EIF3B: variants seen among roughly 807,000 people sequenced by gnomAD.
The protein encoded by EIF3B is eukaryotic translation initiation factor 3 subunit 9.
A neutral mutation model predicts 104.6 loss-of-function variants in EIF3B; 10 were observed. That is an observed-to-expected ratio of 0.10 (90% CI 0.06 to 0.16). The LOEUF is 0.16. Among genes scored for constraint, EIF3B ranks in the 10% least tolerant of loss-of-function variants. The pLI is 1.00. For missense variants in EIF3B, 1,014 were observed against 1,087.9 expected (o/e 0.93, Z 0.96); for synonymous variants, 542 against 417.2 (o/e 1.30, Z -3.65).
chr7:2,366,125 G>A (rs547787571), intron 6 of EIF3B, among the ~76,000 whole-genome samples, 192 bp from the exon 7 acceptor site: 2 of 152,268 alleles, frequency 1.3e-5, no homozygotes, highest in South Asian at 4.2e-4. Context: ...CGGAGCGCCT[G>A]CAGCGTATTG....
chr7:2,357,803 G>A (rs748517748), intron 1 of EIF3B, among the ~76,000 whole-genome samples: 14 of 152,100 alleles, frequency 9.2e-5, no homozygotes, highest in African/African-American at 3.4e-4. Flanking sequence ...CCTACGTGTG[G>A]GCAGTTTCTC....
chr7:2,374,491 C>T, intron 12 of EIF3B, 37 bp from the exon 13 acceptor site: 1 of 1,607,976 alleles, frequency 6.2e-7, no homozygotes, highest in South Asian at 1.1e-5. Flanking sequence ...CTGTGGAAGC[C>T]CTCGCAGCTC....
chr7:2,355,916 C>T (rs1293326539), intron 1 of EIF3B, among the ~76,000 whole-genome samples: 1 of 152,196 alleles, frequency 6.6e-6, no homozygotes, highest in Non-Finnish European at 1.5e-5. Context: ...CCAGAGACTT[C>T]CTTAGTGGGA....
intron 15 of EIF3B, among the ~76,000 whole-genome samples, chr7:2,377,388 T>C (rs1780692910): frequency 6.6e-6 from 1 of 152,174 alleles, no homozygotes; most frequent in Admixed American, 6.5e-5. Flanking sequence ...ATTATTGTGG[T>C]AAAATAGGCC....
At chr7:2,379,730 G>A (rs1364081047) in intron 18 of EIF3B, 2 of 537,130 alleles carry the variant, frequency 3.7e-6, no homozygotes, top group African/African-American at 3.8e-5. Context: ...CGCCTTTCAG[G>A]CAGTGCTGGG....
At chr7:2,357,175 T>C (rs766788873) in intron 1 of EIF3B, among the ~76,000 whole-genome samples, 8 of 152,270 alleles carry the variant, frequency 5.3e-5, no homozygotes, top group Non-Finnish European at 7.3e-5. Context: ...CACAGATTTC[T>C]AATACGTAGA....
intron 18 of EIF3B, chr7:2,379,809 C>A (rs1386650420): frequency 5.0e-6 from 2 of 400,388 alleles, no homozygotes; most frequent in Non-Finnish European, 9.3e-6. Flanking sequence ...CTGGCCATTT[C>A]CTGATACCTG....
At chr7:2,354,780 G>A, upstream of EIF3B, 1 of 805,110 alleles carries the variant, frequency 1.2e-6, no homozygotes, top group South Asian at 6.1e-5. Flanking sequence ...GGGCGTGGGT[G>A]CGCCCCCCGC....
In EIF3B at chr7:2,366,512, T is replaced by A; in HGVS notation, c.1290-13T>A. The A allele has an allele frequency of 6.2e-7, 1 of 1,614,178 alleles. No homozygotes were observed. Among genetic ancestry groups the A allele is most frequent in the Non-Finnish European group, 8.5e-7 (1 of 1,180,026 alleles). On this transcript the variant is annotated splice_polypyrimidine_tract_variant and intron_variant, in intron 7 of 18. Coordinates refer to ENST00000360876, the MANE Select transcript of EIF3B (RefSeq NM_001037283.2). ...TTTTCATGGGAATACCCTGGCACTT[T>A]TGTTTTTCTTAGGTGGAGCCATGAT... is the stretch of plus-strand genomic sequence containing the variant.
chr7:2,362,217 C>G (rs1779768847), intron 2 of EIF3B, among the ~76,000 whole-genome samples: 1 of 152,146 alleles, frequency 6.6e-6, no homozygotes, highest in South Asian at 2.1e-4. Context: ...ACCTTGGCCT[C>G]CCAAAGTGCT....
chr7:2,360,918 T>A lies in EIF3B; in HGVS notation c.692+16T>A, dbSNP rs756278757. Reference sequence around the variant, plus strand: ...AGACAAAAGGGTGAGTGTTCTCCTGTTGGAGAAGTATCATCTGTGTCTGGC... The same window carrying A: ...AGACAAAAGGGTGAGTGTTCTCCTGATGGAGAAGTATCATCTGTGTCTGGC... On this transcript the variant is annotated intron_variant, in intron 2 of 18. Coordinates refer to ENST00000360876, the MANE Select transcript of EIF3B (RefSeq NM_001037283.2). 6.8e-5 allele frequency: 108 copies of A among 1,582,316 alleles called. No homozygotes were observed. Among genetic ancestry groups the A allele is most frequent in the Non-Finnish European group, 8.7e-5 (100 of 1,153,016 alleles).
At chr7:2,368,105 A>C (rs1033729192) in intron 9 of EIF3B, among the ~76,000 whole-genome samples, 3 of 151,118 alleles carry the variant, frequency 2.0e-5, no homozygotes, top group African/African-American at 7.3e-5. Flanking sequence ...CAGCCTCCCA[A>C]AGTGCTGGGA....
rs1252383152 is a variant in EIF3B, at chr7:2,363,747, T to C, written c.986T>C (p.Ile329Thr). The C allele has an allele frequency of 8.1e-6, 13 of 1,613,580 alleles. No individual in the cohort carries two copies. The highest frequency in any genetic ancestry group is 2.2e-5 in the East Asian group (1 of 44,876). Residue 329 changes from isoleucine (I) to threonine (T), a missense_variant, in exon 5 of 19, where the codon ATT becomes ACT. This residue lies in a region of EIF3B where 201 missense variants were observed against 240.7 expected (regional missense o/e 0.83). Coordinates refer to ENST00000360876, the MANE Select transcript of EIF3B (RefSeq NM_001037283.2). ...FWNDVKDPVS[I>T]EERARWTETY... is the part of the protein sequence containing the mutation. ...AATGACGTAAAAGACCCTGTCTCAA[T>C]TGAAGAAAGAGCGGTGTGTATTTGC...
intron 7 of EIF3B, 29 bp from the exon 8 acceptor site, chr7:2,366,496 G>A (rs764731272): frequency 6.2e-7 from 1 of 1,614,118 alleles, no homozygotes; most frequent in Non-Finnish European, 8.5e-7. Context: ...CTTTTCATGG[G>A]AATACCCTGG....
At position 2,378,052 on chromosome 7, in the gene EIF3B, CAGG is replaced by C. The variant is rs1780756910; in HGVS notation, c.2155-636_2155-634del. On this transcript the variant is annotated intron_variant, in intron 15 of 18. Coordinates refer to ENST00000360876, the MANE Select transcript of EIF3B (RefSeq NM_001037283.2). ...ACCCTGGGTGTCATGGAGGAAGGAG[CAGG>C]CACGAGCGCTCCTGGGATGCTGTGT... 2 of 38,692 alleles carry C rather than the reference CAGG, an allele frequency of 5.2e-5. 1 individual carries two copies. Among genetic ancestry groups the C allele is most frequent in the Admixed American group, 6.6e-4 (2 of 3,050 alleles). The allele number at this position is 38,692 out of a possible 1,614,324, so 2.4% of individuals were successfully genotyped here.
At position 2,364,820 on chromosome 7, in the gene EIF3B, G is replaced by T. The variant is rs4609106; in HGVS notation, c.1157+291G>T. Reference sequence around the variant, plus strand: ...ATTTTGTTAGTGTGACCATAGTGTGGGTACTGACTTCAGGGATTTACCATT... The same window carrying T: ...ATTTTGTTAGTGTGACCATAGTGTGTGTACTGACTTCAGGGATTTACCATT... On this transcript the variant is annotated intron_variant, in intron 6 of 18. Coordinates refer to ENST00000360876, the MANE Select transcript of EIF3B (RefSeq NM_001037283.2). 0.44 allele frequency among the ~76,000 whole-genome samples: 66,316 copies of T among 152,078 alleles called. 16,293 individuals carry two copies. Among genetic ancestry groups the T allele is most frequent in the East Asian group, 0.73 (3,805 of 5,184 alleles).
intron 13 of EIF3B, chr7:2,375,154 G>C: frequency 1.9e-6 from 1 of 534,132 alleles, no homozygotes; most frequent in Non-Finnish European, 3.3e-6. Context: ...CTTAGCCTCA[G>C]ATAACATTTC....
chr7:2,374,885 A>G (rs1357097255), intron 13 of EIF3B: 1 of 365,480 alleles, frequency 2.7e-6, no homozygotes, highest in Non-Finnish European at 4.9e-6. Context: ...TGGTTAAACA[A>G]GTGCCTTCCA....
At chr7:2,375,273 C>T (rs1159478100) in intron 13 of EIF3B, 116 bp from the exon 14 acceptor site, 8 of 1,353,934 alleles carry the variant, frequency 5.9e-6, no homozygotes, top group Non-Finnish European at 7.3e-6. Context: ...GTGCTTGTTT[C>T]CATGTTAACG....
Sources: gnomAD v4.1 joint callset for allele counts (sites outside exome capture counted in the v4.1 genomes callset) on GRCh38, gnomAD v4.1.1 for gene constraint, gnomAD v4.1.1 regional missense constraint, MANE v1.5 for transcripts, NCBI Gene and HGNC (gene_info 2026-07-23, HGNC 2026-07-21) for gene names.